UGT1A9: variants seen among roughly 807,000 people sequenced by gnomAD.
UGT1A9 encodes the protein UDP-glucuronosyltransferase 1A9.
UGT1A9 carries 35 observed loss-of-function variants against 45.0 expected under a neutral mutation model. The ratio of observed to expected loss-of-function variants is 0.78; its 90% CI spans 0.59 to 1.03. UGT1A9 has a LOEUF of 1.03. Ranked by LOEUF, UGT1A9 falls within the 50% of genes least tolerant of loss-of-function variation. The pLI is 0.00. For synonymous variants in UGT1A9, 278 were observed against 250.6 expected (o/e 1.11, Z -1.03); for missense variants, 687 against 666.6 (o/e 1.03, Z -0.34).
At chr2:233,719,798 T>C (rs2125672120) in intron 1 of UGT1A9, 1 of 1,604,450 alleles carries the variant, frequency 6.2e-7, no homozygotes, top group Non-Finnish European at 8.5e-7. Flanking sequence ...GATTTTATTT[T>C]GGCTTCTTTA....
intron 1 of UGT1A9, among the ~76,000 whole-genome samples, chr2:233,733,852 A>G (rs1004381201): frequency 1.3e-5 from 2 of 151,136 alleles, no homozygotes; most frequent in African/African-American, 2.4e-5. Flanking sequence ...CTCTTTTTCT[A>G]TTGATTGGAA....
chr2:233,691,255 A>G (rs1259562187), intron 1 of UGT1A9: 7 of 985,578 alleles, frequency 7.1e-6, no homozygotes, highest in Non-Finnish European at 8.4e-6. Context: ...AACTCAAAGC[A>G]AGATGCTGCC....
rs907498423 is a variant in UGT1A9, at chr2:233,772,974, A to C, written c.*415A>C. The stretch of plus-strand genomic sequence containing the variant: ...GATGGTTGCAATTGATCCTTAACCA[A>C]TAATGGTCAGTCCTCATCTCTGTCG... On this transcript the variant is annotated 3_prime_UTR_variant, in exon 5 of 5. Transcript: ENST00000354728. 3.0e-5 allele frequency: 9 copies of C among 303,654 alleles called. No individual in the cohort carries two copies. The highest frequency in any genetic ancestry group is 5.7e-5 in the Non-Finnish European group (9 of 158,574). The allele number at this position is 303,654 out of a possible 1,614,324, so 18.8% of individuals were successfully genotyped here.
intron 1 of UGT1A9, among the ~76,000 whole-genome samples, chr2:233,674,569 A>G (rs991310084): frequency 6.6e-6 from 1 of 152,224 alleles, no homozygotes; most frequent in Non-Finnish European, 1.5e-5. Context: ...ATGATTTTAT[A>G]TCACCTATGA....
chr2:233,680,696 T>C (rs950458533), intron 1 of UGT1A9, among the ~76,000 whole-genome samples: 2 of 152,096 alleles, frequency 1.3e-5, no homozygotes, highest in Admixed American at 1.3e-4. Context: ...TGAAAACAGG[T>C]AGAAGATGTA....
rs200788361 is a variant in UGT1A9, at chr2:233,713,487, T to C, written c.855+40698T>C. ...CGCGGCGGTGCTGGCTAAGTACCTG[T>C]CGATTCCTGCTGTGTTTTTCTTGAG... On this transcript the variant is annotated intron_variant, in intron 1 of 4. Transcript: ENST00000354728. 2.0e-5 allele frequency: 33 copies of C among 1,614,038 alleles called. No homozygotes were observed. The East Asian group carries it at 7.1e-4, about 35-fold the overall frequency.
intron 1 of UGT1A9, among the ~76,000 whole-genome samples, chr2:233,763,852 CACAG>C (rs1251702771): frequency 6.6e-6 from 1 of 152,136 alleles, no homozygotes; most frequent in Admixed American, 6.5e-5. Flanking sequence ...AGCAGTGGTT[CACAG>C]ACAATCGCAA....
At chr2:233,752,307 G>C (rs1030795011) in intron 1 of UGT1A9, 2 of 152,160 alleles carry the variant, frequency 1.3e-5, no homozygotes, top group African/African-American at 4.8e-5. Context: ...TTCCTTGCCC[G>C]GTGTGCTTGG....
In UGT1A9 at chr2:233,672,788, T is replaced by C. The variant is rs753335727; in HGVS notation, c.854T>C (p.Met285Thr). 4 of 1,613,150 alleles carry C rather than the reference T, an allele frequency of 2.5e-6. No homozygotes were observed. In the South Asian group the frequency reaches 4.4e-5, roughly 18 times the overall value. ...INCHQGKPLP[M>T]EFEAYINASG... ...TGCCATCAGGGAAAGCCGTTGCCTA[T>C]GGTAAGTTATCTCTCCTTTAGCACC... Residue 285 changes from methionine (M) to threonine (T), a missense_variant and splice_region_variant, in exon 1 of 5, where the codon ATG becomes ACG. Met to Thr is a moderately conservative substitution (Grantham distance 81). Transcript: ENST00000354728.
intron 1 of UGT1A9, chr2:233,693,247 G>T: frequency 3.7e-6 from 6 of 1,614,080 alleles, no homozygotes; most frequent in Non-Finnish European, 5.1e-6. Context: ...ATCCAGTGCC[G>T]TATGACCAAG....
chr2:233,760,685 A>G (rs575799001), intron 1 of UGT1A9: 11 of 1,614,182 alleles, frequency 6.8e-6, no homozygotes, highest in South Asian at 1.1e-5. Flanking sequence ...TTACTGCACA[A>G]CAAGGAGCTC....
intron 1 of UGT1A9, among the ~76,000 whole-genome samples, chr2:233,744,672 T>G (rs778668144): frequency 6.6e-6 from 1 of 151,884 alleles, no homozygotes; most frequent in Non-Finnish European, 1.5e-5. Context: ...ATATTACACA[T>G]CACCCATGTA....
intron 1 of UGT1A9, chr2:233,689,812 CA>C (rs1339499573): frequency 6.8e-6 from 3 of 440,050 alleles, no homozygotes; most frequent in Non-Finnish European, 1.4e-5. Context: ...TATAGGAAAC[CA>C]AACATCTCTG....
At chr2:233,713,162 G>A in intron 1 of UGT1A9, 1 of 1,614,256 alleles carries the variant, frequency 6.2e-7, no homozygotes, top group Non-Finnish European at 8.5e-7. Context: ...GAGGCCACCA[G>A]GTGGTGGTCC....
At chr2:233,712,885 A>G in intron 1 of UGT1A9, 1 of 1,601,938 alleles carries the variant, frequency 6.2e-7, no homozygotes, top group African/African-American at 1.3e-5. Flanking sequence ...CTTCAATTAC[A>G]TGTTGATTTG....
intron 1 of UGT1A9, among the ~76,000 whole-genome samples, chr2:233,696,855 A>C (rs1199759556): frequency 6.6e-6 from 1 of 152,166 alleles, no homozygotes; most frequent in Admixed American, 6.5e-5. Flanking sequence ...ATTTTGTTGA[A>C]TGTTTTTTCA....
intron 4 of UGT1A9, among the ~76,000 whole-genome samples, chr2:233,771,783 T>TCTCACTCCCTCCCTCC (rs1700380653): frequency 6.6e-6 from 1 of 151,556 alleles, no homozygotes; most frequent in Non-Finnish European, 1.5e-5. Context: ...TCCTTTCCTC[T>TCTCACTCCCTCCCTCC]CTCCCTCCCT....
In UGT1A9 at chr2:233,767,540, C is replaced by T. The variant is rs570115667; in HGVS notation, c.988-309C>T. Among the ~76,000 whole-genome samples the T allele has an allele frequency of 2.0e-5, 3 of 152,348 alleles. No homozygotes were observed. In the East Asian group the frequency reaches 5.8e-4, roughly 29 times the overall value. On this transcript the variant is annotated intron_variant, in intron 2 of 4. Transcript: ENST00000354728. ...TGAATTTATGTCTTACATTTCTGCT[C>T]TTATAGTTCTGCATCCACTTGTTTC...
At chr2:233,716,595 T>G (rs185923790) in intron 1 of UGT1A9, among the ~76,000 whole-genome samples, 46 of 152,352 alleles carry the variant, frequency 3.0e-4, no homozygotes, top group African/African-American at 1.1e-3. Context: ...GAGCAAAAAT[T>G]TTAGAATTTG....
Sources: allele counts gnomAD v4.1 joint callset (sites outside exome capture counted in the v4.1 genomes callset), GRCh38; gene constraint gnomAD v4.1.1; transcripts MANE v1.5; gene names NCBI Gene and HGNC (gene_info 2026-07-23, HGNC 2026-07-21).